GRIK2: variants seen among roughly 807,000 people sequenced by gnomAD.
GRIK2 encodes glutamate ionotropic receptor kainate type subunit 2, also known as glutamate receptor ionotropic, kainate 2.
In GRIK2, 32 loss-of-function variants were observed where a neutral mutation model predicts 100.3. The ratio of observed to expected loss-of-function variants is 0.32; its 90% CI spans 0.24 to 0.43. The LOEUF (loss-of-function observed/expected upper bound fraction) is 0.43. Ranked by LOEUF, GRIK2 falls within the 20% of genes least tolerant of loss-of-function variation. The probability of loss-of-function intolerance (pLI) is 1.00; values close to 1 mark genes in which losing one functional copy is unlikely to be tolerated. For synonymous variants in GRIK2, 417 were observed against 389.4 expected, an observed-to-expected ratio of 1.07 and a Z score of -0.83; for missense variants, 843 against 1,114.9, an observed-to-expected ratio of 0.76 and a Z score of 3.47.
intron 11 of GRIK2, among the ~76,000 whole-genome samples, chr6:101,881,411 A>G (rs1786233479): frequency 6.6e-6 from 1 of 152,024 alleles, no homozygotes; most frequent in Admixed American, 6.6e-5. Context: ...TATTAGAAAC[A>G]TTGTTTAGTG....
At chr6:101,704,400 G>A (rs1439452771) in intron 7 of GRIK2, among the ~76,000 whole-genome samples, 1 of 151,526 alleles carries the variant, frequency 6.6e-6, no homozygotes, top group East Asian at 1.9e-4. Context: ...TGGGCTGGGA[G>A]GATAGGGGAT....
intron 2 of GRIK2, among the ~76,000 whole-genome samples, chr6:101,416,479 AG>A: frequency 6.6e-6 from 1 of 152,172 alleles, no homozygotes. Flanking sequence ...TGATTTGTTA[AG>A]CAAATTCCAG....
At chr6:101,674,924 A>G (rs898597057) in intron 4 of GRIK2, among the ~76,000 whole-genome samples, 6 of 152,298 alleles carry the variant, frequency 3.9e-5, no homozygotes, top group South Asian at 2.1e-4. Context: ...TTGCATATTT[A>G]TGGAGTATAA....
intron 12 of GRIK2, among the ~76,000 whole-genome samples, chr6:101,913,201 A>G (rs1459603632): frequency 1.3e-5 from 2 of 151,594 alleles, no homozygotes; most frequent in African/African-American, 2.4e-5. Context: ...CTCGCTTAAT[A>G]AAATACACAC....
At chr6:101,873,101 T>C (rs1785541772) in intron 11 of GRIK2, among the ~76,000 whole-genome samples, 1 of 152,048 alleles carries the variant, frequency 6.6e-6, no homozygotes, top group Non-Finnish European at 1.5e-5. Context: ...GACATTAATT[T>C]TTTTTAAATT....
At chr6:101,842,691 C>T (rs906063613) in intron 10 of GRIK2, among the ~76,000 whole-genome samples, 2 of 152,138 alleles carry the variant, frequency 1.3e-5, no homozygotes, top group African/African-American at 4.8e-5. Flanking sequence ...TTTCAGTAGA[C>T]AGATGTGGCT....
At chr6:101,643,458 C>A (rs962508040) in intron 4 of GRIK2, among the ~76,000 whole-genome samples, 1 of 151,466 alleles carries the variant, frequency 6.6e-6, no homozygotes, top group African/African-American at 2.4e-5. Context: ...TTCCCTATCT[C>A]TGTTTATTGA....
chr6:101,665,651 A>T (rs564439598), intron 4 of GRIK2, among the ~76,000 whole-genome samples: 32 of 152,328 alleles, frequency 2.1e-4, no homozygotes, highest in African/African-American at 7.5e-4. Flanking sequence ...ACAAATATAT[A>T]GGAGCAATAC....
At chr6:102,049,608 G>A (rs1562138964) in intron 15 of GRIK2, among the ~76,000 whole-genome samples, 1 of 152,028 alleles carries the variant, frequency 6.6e-6, no homozygotes, top group Non-Finnish European at 1.5e-5. Context: ...TTGATATGTA[G>A]TATTAATCAA....
chr6:102,051,472 C>A (rs928215857), intron 15 of GRIK2, among the ~76,000 whole-genome samples: 2 of 151,752 alleles, frequency 1.3e-5, no homozygotes, highest in African/African-American at 4.8e-5. Flanking sequence ...TAGAAAGTAC[C>A]AAAGATTAGA....
intron 4 of GRIK2, among the ~76,000 whole-genome samples, chr6:101,671,592 A>G (rs1269111696): frequency 6.6e-6 from 1 of 152,174 alleles, no homozygotes; most frequent in African/African-American, 2.4e-5. Context: ...AGGGCTGGGC[A>G]CGGTGGCTCA....
intron 15 of GRIK2, among the ~76,000 whole-genome samples, chr6:102,053,959 G>A (rs999863883): frequency 6.6e-6 from 1 of 152,148 alleles, no homozygotes; most frequent in East Asian, 1.9e-4. Flanking sequence ...TGTTAGATTA[G>A]TATTTTAAGA....
At chr6:101,579,057 T>G (rs487083) in intron 2 of GRIK2, among the ~76,000 whole-genome samples, 16,832 of 151,996 alleles carry the variant, frequency 0.11, 1,301 homozygotes, top group African/African-American at 0.21. Flanking sequence ...TAAATGTAGG[T>G]TATATGTGTG....
At chr6:101,874,824 G>C (rs963400642) in intron 11 of GRIK2, among the ~76,000 whole-genome samples, 4 of 152,050 alleles carry the variant, frequency 2.6e-5, no homozygotes, top group Non-Finnish European at 4.4e-5. Context: ...TTCCTTGTAA[G>C]TTGGATTCCT....
At chr6:101,404,064 C>T (rs1280345039) in intron 2 of GRIK2, among the ~76,000 whole-genome samples, 1 of 152,216 alleles carries the variant, frequency 6.6e-6, no homozygotes, top group Non-Finnish European at 1.5e-5. Flanking sequence ...TACCCAGATA[C>T]ATGAAACTCA....
chr6:101,920,162 T>C (rs1454379655), intron 12 of GRIK2, among the ~76,000 whole-genome samples: 1 of 151,826 alleles, frequency 6.6e-6, no homozygotes, highest in Non-Finnish European at 1.5e-5. Context: ...ATTTTATAAA[T>C]ATGGAGAAAA....
intron 2 of GRIK2, among the ~76,000 whole-genome samples, chr6:101,547,239 T>A (rs1562216873): frequency 6.6e-6 from 1 of 152,212 alleles, no homozygotes; most frequent in Admixed American, 6.5e-5. Context: ...AAACAAAGGA[T>A]GAGCGTAATA....
intron 7 of GRIK2, among the ~76,000 whole-genome samples, chr6:101,690,652 C>T (rs1772027392): frequency 2.0e-5 from 3 of 152,092 alleles, no homozygotes; most frequent in Admixed American, 2.0e-4. Context: ...CCTAAAAAGC[C>T]TTCTATGGTC....
chr6:101,500,606 G>C (rs998874577), intron 2 of GRIK2, among the ~76,000 whole-genome samples: 1 of 152,030 alleles, frequency 6.6e-6, no homozygotes, highest in Non-Finnish European at 1.5e-5. Context: ...GAGCTTAGAA[G>C]AAAAAGCGTG....
Sources: allele counts gnomAD v4.1 joint callset (sites outside exome capture counted in the v4.1 genomes callset), GRCh38; gene constraint gnomAD v4.1.1; transcripts MANE v1.5; gene names NCBI Gene and HGNC (gene_info 2026-07-23, HGNC 2026-07-21).